The following PARVA variants were observed in gnomAD, a reference collection of about 807,000 sequenced individuals.
The protein encoded by PARVA is alpha-parvin.
A neutral mutation model predicts 52.6 loss-of-function variants in PARVA; 25 were observed. The observed-to-expected ratio is 0.48, with a 90% CI of 0.35 to 0.66. The LOEUF (loss-of-function observed/expected upper bound fraction) is 0.66, where lower values mean the gene tolerates loss of function less well. Among genes scored for constraint, PARVA ranks in the 30% least tolerant of loss-of-function variants. PARVA has a pLI of 0.01. For missense variants in PARVA, 373 were observed against 450.9 expected (o/e 0.83, Z 1.56); for synonymous variants, 185 against 179.1 (o/e 1.03, Z -0.26).
At chr11:12,482,959 A>G (rs933022176) in intron 4 of PARVA, among the ~76,000 whole-genome samples, 1 of 152,208 alleles carries the variant, frequency 6.6e-6, no homozygotes, top group African/African-American at 2.4e-5. Context: ...CTGTGGTGAA[A>G]GCCTGAACAG....
At chr11:12,381,924 C>A (rs1263321530) in intron 1 of PARVA, among the ~76,000 whole-genome samples, 2 of 152,106 alleles carry the variant, frequency 1.3e-5, no homozygotes, top group Admixed American at 1.3e-4. Flanking sequence ...TCTAGTGGCA[C>A]TTTGTTAGAG....
intron 1 of PARVA, among the ~76,000 whole-genome samples, chr11:12,404,043 G>A (rs1346874948): frequency 6.6e-6 from 1 of 151,802 alleles, no homozygotes; most frequent in African/African-American, 2.4e-5. Flanking sequence ...GGATATTTCA[G>A]CATTTCTTAT....
rs187917419 is a variant in PARVA at position 12,418,316 on chromosome 11, C to G, written c.136+40533C>G. On this transcript the variant is annotated intron_variant, in intron 1 of 12. Transcript: ENST00000334956. ...GTTTGGGCTGGGTGATGGTGCCCAGCAGGCCCCGCCCACAGGCCTCTGTGG... is the reference window on the plus strand; with the variant it reads ...GTTTGGGCTGGGTGATGGTGCCCAGGAGGCCCCGCCCACAGGCCTCTGTGG... Among the ~76,000 whole-genome samples, 6 of 152,306 alleles carry G rather than the reference C, an allele frequency of 3.9e-5. No individual in the cohort carries two copies. The East Asian group carries it at 9.7e-4, about 25-fold the overall frequency.
intron 1 of PARVA, among the ~76,000 whole-genome samples, chr11:12,423,737 G>A (rs982333988): frequency 3.3e-5 from 5 of 152,046 alleles, no homozygotes; most frequent in African/African-American, 7.2e-5. Context: ...ATCTATTGTC[G>A]TGATTCTTAG....
chr11:12,507,696 G>A (rs1004204264), intron 6 of PARVA, among the ~76,000 whole-genome samples: 2 of 152,104 alleles, frequency 1.3e-5, no homozygotes, highest in Non-Finnish European at 2.9e-5. Context: ...TCTGCCGAGG[G>A]TGACCACGTA....
chr11:12,399,171 G>C (rs1330079088), intron 1 of PARVA, among the ~76,000 whole-genome samples: 1 of 152,260 alleles, frequency 6.6e-6, no homozygotes, highest in Non-Finnish European at 1.5e-5. Flanking sequence ...CTATAGAAAA[G>C]TTTTCCAAAC....
At chr11:12,508,749 G>C in intron 7 of PARVA, 107 bp downstream of exon 7, 1 of 881,726 alleles carries the variant, frequency 1.1e-6, no homozygotes, top group Non-Finnish European at 1.9e-6. Flanking sequence ...GATTGCAGGA[G>C]GGATTAGACT....
chr11:12,462,716 G>T (rs1459943132), intron 1 of PARVA, among the ~76,000 whole-genome samples: 1 of 152,166 alleles, frequency 6.6e-6, no homozygotes, highest in African/African-American at 2.4e-5. Flanking sequence ...CCAGAGAAAA[G>T]TCATTGAAAA....
At chr11:12,525,639 C>G (rs1481081694) in intron 12 of PARVA, among the ~76,000 whole-genome samples, 3 of 152,136 alleles carry the variant, frequency 2.0e-5, no homozygotes, top group Non-Finnish European at 4.4e-5. Context: ...TTCCATCTGG[C>G]AGAAGGTGAT....
At chr11:12,431,411 C>T (rs1255620541) in intron 1 of PARVA, among the ~76,000 whole-genome samples, 1 of 152,242 alleles carries the variant, frequency 6.6e-6, no homozygotes, top group Non-Finnish European at 1.5e-5. Flanking sequence ...AGGCCCACCA[C>T]GTGGCTGTGG....
chr11:12,489,932 G>A (rs1338933744), intron 4 of PARVA, among the ~76,000 whole-genome samples: 1 of 151,748 alleles, frequency 6.6e-6, no homozygotes, highest in Non-Finnish European at 1.5e-5. Context: ...AGTTAGGAGA[G>A]GCAGCCAGGT....
At chr11:12,507,566 G>A (rs74704212) in intron 6 of PARVA, among the ~76,000 whole-genome samples, 15 of 152,188 alleles carry the variant, frequency 9.9e-5, no homozygotes, top group East Asian at 5.8e-4. Context: ...CTTGGCTGGG[G>A]CCATTCCTCC....
rs1424124643 is a variant in PARVA at position 12,528,259 on chromosome 11, A to T, written c.*334A>T. ...CAAGATGAAAATAAAGATCCTAGTT[A>T]CCATTCAAAGGATGCTAACTGTGTG... On this transcript the variant is annotated 3_prime_UTR_variant, in exon 13 of 13. Transcript: ENST00000334956. 1 of 353,730 alleles carries T rather than the reference A, an allele frequency of 2.8e-6. No homozygotes were observed. Among genetic ancestry groups the T allele is most frequent in the Non-Finnish European group, 5.3e-6 (1 of 188,662 alleles). The allele number at this position is 353,730 out of a possible 1,614,324, so 21.9% of individuals were successfully genotyped here.
At chr11:12,418,550 G>A (rs773546525) in intron 1 of PARVA, among the ~76,000 whole-genome samples, 72 of 152,296 alleles carry the variant, frequency 4.7e-4, no homozygotes, top group Non-Finnish European at 9.6e-4. Flanking sequence ...TTCTCAGCGT[G>A]CCTGCCACAG....
chr11:12,520,905 C>T (rs1941628650), intron 12 of PARVA, among the ~76,000 whole-genome samples: 1 of 151,994 alleles, frequency 6.6e-6, no homozygotes, highest in Non-Finnish European at 1.5e-5. Flanking sequence ...CCACTGCACT[C>T]CAGCCTGGGC....
intron 1 of PARVA, 106 bp from the exon 2 acceptor site, chr11:12,473,639 T>C: frequency 1.2e-6 from 1 of 804,672 alleles, no homozygotes; most frequent in Non-Finnish European, 2.1e-6. Context: ...AATCTACCCT[T>C]AGTGGGTTTT....
At position 12,530,845 on chromosome 11, in the gene PARVA, G is replaced by A. The variant is rs978490573; in HGVS notation, c.*2920G>A. 3.3e-5 allele frequency: 5 copies of A among 152,010 alleles called. No individual in the cohort carries two copies. Among genetic ancestry groups the A allele is most frequent in the African/African-American group, 9.7e-5 (4 of 41,368 alleles). The allele number at this position is 152,010 out of a possible 1,614,324, so 9.4% of individuals were successfully genotyped here. A position where few individuals can be genotyped will look rare whatever the true frequency, so the allele number is the denominator to read the frequency against. ...CCAAATGCGTATCTCCAGTCTGCTC[G>A]AGCTAGGAAAGGAAAAAAGCCCTAG... is the stretch of plus-strand genomic sequence containing the variant. On this transcript the variant is annotated 3_prime_UTR_variant, in exon 13 of 13. Coordinates refer to ENST00000334956, the MANE Select transcript of PARVA (RefSeq NM_018222.5).
intron 1 of PARVA, among the ~76,000 whole-genome samples, chr11:12,395,201 A>G (rs1409099358): frequency 6.6e-6 from 1 of 152,154 alleles, no homozygotes; most frequent in Admixed American, 6.5e-5. Flanking sequence ...AAGTCCACAT[A>G]TAAGTGGGTC....
At chr11:12,526,767 A>AT (rs1456413136) in intron 12 of PARVA, among the ~76,000 whole-genome samples, 1 of 151,680 alleles carries the variant, frequency 6.6e-6, no homozygotes, top group East Asian at 1.9e-4. Flanking sequence ...ACGGAGTTCC[A>AT]TTTTTTTGTT....
Sources: allele counts gnomAD v4.1 joint callset (sites outside exome capture counted in the v4.1 genomes callset), GRCh38; gene constraint gnomAD v4.1.1; transcripts MANE v1.5; gene names NCBI Gene and HGNC (gene_info 2026-07-23, HGNC 2026-07-21).